The following OSBPL1A variants were observed in gnomAD, a reference collection of about 807,000 sequenced individuals.
The protein encoded by OSBPL1A is oxysterol binding protein like 1A.
In OSBPL1A, 80 loss-of-function variants were observed where a neutral mutation model predicts 137.1. The observed-to-expected ratio is 0.58, with a 90% CI of 0.49 to 0.70. The LOEUF is 0.70. Among genes scored for constraint, OSBPL1A ranks in the 30% least tolerant of loss-of-function variants. The pLI is 0.00. For synonymous variants in OSBPL1A, 365 were observed against 389.7 expected, an observed-to-expected ratio of 0.94 and a Z score of 0.75; for missense variants, 970 against 1,129.4, an observed-to-expected ratio of 0.86 and a Z score of 2.02.
intron 4 of OSBPL1A, among the ~76,000 whole-genome samples, chr18:24,348,143 G>A (rs1422915537): frequency 1.3e-5 from 2 of 151,958 alleles, no homozygotes; most frequent in African/African-American, 4.8e-5. Flanking sequence ...AATAAAGAAA[G>A]TATCCCCTAA....
chr18:24,187,012 T>C (rs2086766173), intron 18 of OSBPL1A, among the ~76,000 whole-genome samples: 1 of 151,538 alleles, frequency 6.6e-6, no homozygotes, highest in African/African-American at 2.4e-5. Context: ...AATACACACA[T>C]TTGCACTGAT....
chr18:24,392,338 T>C (rs1404841315), intron 1 of OSBPL1A, among the ~76,000 whole-genome samples: 1 of 151,930 alleles, frequency 6.6e-6, no homozygotes, highest in African/African-American at 2.4e-5. Flanking sequence ...TTTATATTTT[T>C]AGTAGAGATG....
chr18:24,188,747 A>G (rs529277352), intron 18 of OSBPL1A, among the ~76,000 whole-genome samples: 4 of 152,220 alleles, frequency 2.6e-5, no homozygotes, highest in Non-Finnish European at 5.9e-5. Context: ...TTATTTTTAA[A>G]TAATCTTACA....
chr18:24,192,337 G>A (rs1284799032), intron 18 of OSBPL1A, among the ~76,000 whole-genome samples: 1 of 152,116 alleles, frequency 6.6e-6, no homozygotes, highest in African/African-American at 2.4e-5. Flanking sequence ...TCGGATTAAA[G>A]AGTCCTGTGA....
intron 12 of OSBPL1A, among the ~76,000 whole-genome samples, chr18:24,312,889 ACT>A (rs1338472985): frequency 6.6e-6 from 1 of 152,122 alleles, no homozygotes; most frequent in African/African-American, 2.4e-5. Flanking sequence ...TAATCCCAGC[ACT>A]CTGGGAGGGC....
chr18:24,187,055 G>A (rs1026531295), intron 18 of OSBPL1A, among the ~76,000 whole-genome samples: 8 of 152,088 alleles, frequency 5.3e-5, no homozygotes, highest in African/African-American at 1.4e-4. Context: ...AAAAATTGGC[G>A]TAGAAGTAAT....
intron 5 of OSBPL1A, among the ~76,000 whole-genome samples, chr18:24,340,695 A>G (rs574814487): frequency 6.6e-6 from 1 of 152,228 alleles, no homozygotes; most frequent in South Asian, 2.1e-4. Context: ...AATCCCAGTT[A>G]CTTGGGAGGC....
rs201018257 is a variant in OSBPL1A, at chr18:24,166,566, G to A, written c.2659+13C>T. ...ATGAGTCTTCACTGGTGGCTTTGGC[G>A]GATGCTAGTTACCTATCTCTCCATT... On this transcript the variant is annotated intron_variant, in intron 26 of 27. Transcript: ENST00000319481. 4.2e-5 allele frequency: 67 copies of A among 1,595,984 alleles called. No individual in the cohort carries two copies. The South Asian group carries it at 4.8e-4, about 11-fold the overall frequency.
At chr18:24,215,840 T>C (rs1465230156) in intron 17 of OSBPL1A, among the ~76,000 whole-genome samples, 1 of 152,148 alleles carries the variant, frequency 6.6e-6, no homozygotes, top group Non-Finnish European at 1.5e-5. Context: ...GCACTCAAAA[T>C]CTTGTGTTCA....
chr18:24,182,092 AAATG>A (rs1567926291), intron 18 of OSBPL1A, among the ~76,000 whole-genome samples: 1 of 152,200 alleles, frequency 6.6e-6, no homozygotes, highest in Non-Finnish European at 1.5e-5. Flanking sequence ...AAATGAAATG[AAATG>A]ATATGACAAC....
At chr18:24,393,623 T>G (rs1220666418) in intron 1 of OSBPL1A, among the ~76,000 whole-genome samples, 1 of 152,088 alleles carries the variant, frequency 6.6e-6, no homozygotes, top group Non-Finnish European at 1.5e-5. Flanking sequence ...TGGCTAATTT[T>G]TTGTAGTTTT....
At chr18:24,301,646 G>T (rs1178921333) in intron 14 of OSBPL1A, among the ~76,000 whole-genome samples, 1 of 152,156 alleles carries the variant, frequency 6.6e-6, no homozygotes, top group Non-Finnish European at 1.5e-5. Context: ...TACCAAATAT[G>T]ACACCGTTAT....
chr18:24,340,634 G>A (rs373286744), intron 5 of OSBPL1A, among the ~76,000 whole-genome samples: 4 of 152,216 alleles, frequency 2.6e-5, no homozygotes, highest in East Asian at 3.9e-4. Context: ...CTGAAACCCC[G>A]TCTCTACTAA....
At chr18:24,210,973 T>C (rs2509693) in intron 17 of OSBPL1A, among the ~76,000 whole-genome samples, 1 of 151,992 alleles carries the variant, frequency 6.6e-6, no homozygotes. Context: ...TTTTTTTGTT[T>C]GTTTGTTTTT....
intron 14 of OSBPL1A, among the ~76,000 whole-genome samples, chr18:24,296,436 A>C (rs1188477743): frequency 6.6e-6 from 1 of 152,204 alleles, no homozygotes; most frequent in Non-Finnish European, 1.5e-5. Context: ...GTGCGTGATC[A>C]TATCACTGGC....
intron 27 of OSBPL1A, among the ~76,000 whole-genome samples, chr18:24,164,412 GA>G (rs1413847709): frequency 7.2e-6 from 1 of 139,848 alleles, no homozygotes; most frequent in African/African-American, 2.7e-5. Context: ...ACAGTATGGA[GA>G]TTTTTGGTTT....
At chr18:24,276,748 T>C (rs1196033661) in intron 15 of OSBPL1A, among the ~76,000 whole-genome samples, 1 of 151,718 alleles carries the variant, frequency 6.6e-6, no homozygotes, top group East Asian at 1.9e-4. Context: ...CCATAGGCCA[T>C]AGCAGTTTTA....
At chr18:24,169,502 G>A (rs1389563109) in intron 24 of OSBPL1A, among the ~76,000 whole-genome samples, 1 of 152,194 alleles carries the variant, frequency 6.6e-6, no homozygotes, top group Non-Finnish European at 1.5e-5. Context: ...ACTATTCTGA[G>A]CCCATTATGT....
At chr18:24,303,776 A>G (rs1407432500) in intron 13 of OSBPL1A, 58 bp from the exon 14 acceptor site, 4 of 1,393,118 alleles carry the variant, frequency 2.9e-6, no homozygotes, top group Non-Finnish European at 4.1e-6. Flanking sequence ...TACATTACTT[A>G]TGCTTTAGTG....
Sources: allele counts gnomAD v4.1 joint callset (sites outside exome capture counted in the v4.1 genomes callset), GRCh38; gene constraint gnomAD v4.1.1; transcripts MANE v1.5; gene names NCBI Gene and HGNC (gene_info 2026-07-23, HGNC 2026-07-21).